The following UBE3D variants were observed in gnomAD, a reference collection of about 807,000 sequenced individuals.
UBE3D encodes the protein ubiquitin protein ligase E3D.
UBE3D carries 48 observed loss-of-function variants against 49.6 expected under a neutral mutation model. The observed-to-expected ratio is 0.97, with a 90% CI of 0.77 to 1.23. The LOEUF (loss-of-function observed/expected upper bound fraction) is 1.23. UBE3D is among the 50% of genes most tolerant of loss of function. UBE3D has a pLI of 0.00. For synonymous variants in UBE3D, 189 were observed against 174.2 expected (o/e 1.08, Z -0.67); for missense variants, 452 against 468.4 (o/e 0.96, Z 0.32).
intron 9 of UBE3D, among the ~76,000 whole-genome samples, chr6:82,947,463 G>C (rs1775486521): frequency 6.6e-6 from 1 of 151,898 alleles, no homozygotes; most frequent in Non-Finnish European, 1.5e-5. Context: ...GATACTTACA[G>C]AACATTTCAT....
intron 9 of UBE3D, among the ~76,000 whole-genome samples, chr6:82,903,854 G>C (rs923247819): frequency 3.9e-5 from 6 of 152,110 alleles, no homozygotes; most frequent in Non-Finnish European, 8.8e-5. Context: ...ACCACAGAGG[G>C]GAACAAGCTG....
downstream of UBE3D, among the ~76,000 whole-genome samples, chr6:82,890,227 GTC>G (rs1340117421): frequency 6.6e-6 from 1 of 152,100 alleles, no homozygotes; most frequent in Non-Finnish European, 1.5e-5. Context: ...CTATCCCTGT[GTC>G]TCTTTGTTTC....
chr6:82,932,127 C>T (rs541452334), intron 9 of UBE3D, among the ~76,000 whole-genome samples: 1 of 152,254 alleles, frequency 6.6e-6, no homozygotes, highest in Admixed American at 6.5e-5. Context: ...TTTCCTGAGG[C>T]CTCCTAAGTC....
At chr6:83,055,567 C>T (rs1317945172) in intron 2 of UBE3D, among the ~76,000 whole-genome samples, 1 of 152,114 alleles carries the variant, frequency 6.6e-6, no homozygotes. Context: ...TGCTGGCCAC[C>T]CAGCATGATG....
chr6:82,884,651 C>T, the UBE3D span, among the ~76,000 whole-genome samples: 1 of 152,166 alleles, frequency 6.6e-6, no homozygotes, highest in Non-Finnish European at 1.5e-5. Context: ...AAAGTGCTCA[C>T]TTATCTGAAA....
intron 8 of UBE3D, among the ~76,000 whole-genome samples, chr6:82,998,734 C>T (rs1209207309): frequency 6.6e-6 from 1 of 152,126 alleles, no homozygotes; most frequent in Non-Finnish European, 1.5e-5. Flanking sequence ...AAACTATAGC[C>T]TCTTTCCAAC....
intron 3 of UBE3D, among the ~76,000 whole-genome samples, chr6:83,046,672 C>G (rs368458265): frequency 7.6e-4 from 80 of 105,080 alleles, no homozygotes; most frequent in African/African-American, 1.5e-3. Flanking sequence ...TTGCAGTTGG[C>G]GGGGGGGGTG....
At chr6:82,972,098 CGGGGTGGGTTCTGGTTGTTTGCATCATAT>C (rs1777396423) in intron 8 of UBE3D, among the ~76,000 whole-genome samples, 1 of 152,140 alleles carries the variant, frequency 6.6e-6, no homozygotes, top group Non-Finnish European at 1.5e-5. Flanking sequence ...GCCTTCAGAA[CGGGGTGGGTTCTGGTTGTTTGCATCATAT>C]GCAACCACAG....
intron 3 of UBE3D, among the ~76,000 whole-genome samples, chr6:83,048,931 C>CA (rs1469700122): frequency 6.6e-6 from 1 of 151,438 alleles, no homozygotes; most frequent in Non-Finnish European, 1.5e-5. Flanking sequence ...TGGTGGAGCT[C>CA]AAAAAAACAG....
chr6:83,010,228 A>C (rs1462266040), intron 8 of UBE3D, among the ~76,000 whole-genome samples: 1 of 152,218 alleles, frequency 6.6e-6, no homozygotes, highest in Non-Finnish European at 1.5e-5. Flanking sequence ...AAATAAATAA[A>C]AAAGTTATTT....
intron 8 of UBE3D, among the ~76,000 whole-genome samples, chr6:83,011,582 T>TA (rs1278517345): frequency 6.6e-6 from 1 of 152,090 alleles, no homozygotes; most frequent in Non-Finnish European, 1.5e-5. Context: ...CATTGTGGAG[T>TA]AGTAGACTGA....
At chr6:82,918,110 T>C (rs1773055738) in intron 9 of UBE3D, among the ~76,000 whole-genome samples, 1 of 152,158 alleles carries the variant, frequency 6.6e-6, no homozygotes, top group Admixed American at 6.5e-5. Context: ...ACTCATGTAC[T>C]TTCTGGTAAA....
chr6:83,020,001 G>A (rs1386649731), intron 7 of UBE3D, among the ~76,000 whole-genome samples: 3 of 152,230 alleles, frequency 2.0e-5, no homozygotes, highest in Admixed American at 1.3e-4. Context: ...AGCCAACGCT[G>A]TCAGCAGCTG....
chr6:83,060,402 A>G (rs990277403), intron 1 of UBE3D, among the ~76,000 whole-genome samples: 1 of 152,260 alleles, frequency 6.6e-6, no homozygotes, highest in African/African-American at 2.4e-5. Flanking sequence ...GGGCAGAATT[A>G]GAAATACCTG....
intron 1 of UBE3D, chr6:83,063,275 A>G (rs1403873572): frequency 4.7e-6 from 1 of 213,280 alleles, no homozygotes. Flanking sequence ...TTAGCTGGGC[A>G]TGGTGGCATG....
At chr6:83,053,828 C>G (rs1783632841) in intron 3 of UBE3D, among the ~76,000 whole-genome samples, 1 of 152,176 alleles carries the variant, frequency 6.6e-6, no homozygotes, top group Non-Finnish European at 1.5e-5. Flanking sequence ...TGTCACTCAG[C>G]ATCGTGTTGG....
In UBE3D at chr6:82,987,587, T is replaced by G. The variant is rs1261281752; in HGVS notation, c.1011-30137A>C. Among the ~76,000 whole-genome samples the G allele has an allele frequency of 1.3e-5, 2 of 152,234 alleles. 1 individual carries two copies. The highest frequency in any genetic ancestry group is 2.9e-5 in the Non-Finnish European group (2 of 68,042). ...TCGAATTGGCAAAATTAGGAAGTGC[T>G]GACCATGATGTGAAGCAATGGGAAT... On this transcript the variant is annotated intron_variant, in intron 8 of 9. Coordinates refer to ENST00000369747, the MANE Select transcript of UBE3D (RefSeq NM_198920.3).
chr6:82,900,077 C>T (rs1771618388), intron 9 of UBE3D, among the ~76,000 whole-genome samples: 1 of 152,180 alleles, frequency 6.6e-6, no homozygotes, highest in Admixed American at 6.5e-5. Context: ...TATGGAATAT[C>T]TGCAGGAAGG....
intron 9 of UBE3D, among the ~76,000 whole-genome samples, chr6:82,907,130 C>A (rs1184271151): frequency 1.3e-5 from 2 of 152,234 alleles, no homozygotes; most frequent in Admixed American, 1.3e-4. Flanking sequence ...CCACAAAACT[C>A]CCTTGGGCAT....
Sources: allele counts gnomAD v4.1 joint callset (sites outside exome capture counted in the v4.1 genomes callset), GRCh38; gene constraint gnomAD v4.1.1; transcripts MANE v1.5; gene names NCBI Gene and HGNC (gene_info 2026-07-23, HGNC 2026-07-21).